Variants in DHX29 observed in about 807,000 individuals in gnomAD.
The protein encoded by DHX29 is ATP-dependent RNA helicase DHX29.
In DHX29, 79 loss-of-function variants were observed where a neutral mutation model predicts 167.9. That is an observed-to-expected ratio of 0.47 (90% CI 0.39 to 0.57). The LOEUF (loss-of-function observed/expected upper bound fraction) is 0.57. Ranked by LOEUF, DHX29 falls within the 20% of genes least tolerant of loss-of-function variation. The pLI, the probability that DHX29 is intolerant of heterozygous loss-of-function variation, is 0.00. For missense variants in DHX29, 1,347 were observed against 1,593.4 expected, an observed-to-expected ratio of 0.85 and a Z score of 2.63; for synonymous variants, 530 against 546.0, an observed-to-expected ratio of 0.97 and a Z score of 0.41.
intron 22 of DHX29, 113 bp downstream of exon 22, chr5:55,267,573 A>G: frequency 2.1e-6 from 2 of 965,580 alleles, no homozygotes; most frequent in Non-Finnish European, 2.9e-6. Flanking sequence ...TGAAATAACT[A>G]AAAATAAATT....
chr5:55,260,834 T>G (rs1746279651), intron 25 of DHX29, among the ~76,000 whole-genome samples: 1 of 152,226 alleles, frequency 6.6e-6, no homozygotes, highest in Non-Finnish European at 1.5e-5. Flanking sequence ...AAGCATAGGT[T>G]GGTCTAATTT....
chr5:55,289,461 T>C (rs1254224468), intron 7 of DHX29, 33 bp from the exon 8 acceptor site: 2 of 1,463,838 alleles, frequency 1.4e-6, no homozygotes, highest in South Asian at 1.5e-5. Context: ...TTTAGTTTCA[T>C]GGTTTTAAAA....
intron 12 of DHX29, among the ~76,000 whole-genome samples, chr5:55,281,062 TACACAC>T (rs144186039): frequency 5.6e-5 from 8 of 142,428 alleles, no homozygotes; most frequent in Admixed American, 1.4e-4. Context: ...TATATGTATA[TACACAC>T]ACACACACAC....
chr5:55,307,253 G>A, intron 1 of DHX29, 134 bp downstream of exon 1: 1 of 745,734 alleles, frequency 1.3e-6, no homozygotes, highest in South Asian at 2.0e-5. Flanking sequence ...GCCACCCCAT[G>A]GGGAGGTAGC....
intron 26 of DHX29, among the ~76,000 whole-genome samples, chr5:55,259,411 C>CA (rs888047594): frequency 1.3e-5 from 2 of 151,278 alleles, no homozygotes; most frequent in Non-Finnish European, 3.0e-5. Context: ...TCCAATGTTA[C>CA]AAAAAAAAAT....
At chr5:55,264,806 G>A (rs1356992630) in intron 23 of DHX29, among the ~76,000 whole-genome samples, 1 of 152,166 alleles carries the variant, frequency 6.6e-6, no homozygotes, top group Non-Finnish European at 1.5e-5. Flanking sequence ...CTGCTAGGTA[G>A]AAGGAAACAA....
At position 55,280,474 on chromosome 5, in the gene DHX29, T is replaced by G. The variant is rs374500559; in HGVS notation, c.2109+898A>C. The stretch of plus-strand genomic sequence containing the variant: ...AAGAATGGTAATAAGAAAAAAAAAT[T>G]AGCATTTTGGTTCATGTTGACCCTT... On this transcript the variant is annotated intron_variant, in intron 12 of 26. Transcript: ENST00000251636. Among the ~76,000 whole-genome samples the G allele has an allele frequency of 1.7e-4, 26 of 152,246 alleles. No individual in the cohort carries two copies. In the East Asian group the frequency reaches 2.1e-3, roughly 12 times the overall value.
At position 55,283,621 on chromosome 5, in the gene DHX29, T is replaced by A; in HGVS notation, c.1547A>T (p.Asn516Ile). 1.9e-6 allele frequency: 3 copies of A among 1,613,958 alleles called. No individual in the cohort carries two copies. The highest frequency in any genetic ancestry group is 1.6e-4 in the Middle Eastern group (1 of 6,062). ...CCAAGATTCCTCGGGATCTTCAGAG[T>A]TTTCTCTCTTATTTTCAGAATGCTG... Reference protein sequence around the residue: ...QQQHSENKRENSEDPEESWEN... With the variant: ...QQQHSENKREISEDPEESWEN... Residue 516 changes from asparagine to isoleucine, a missense_variant, in exon 11 of 27, where the codon AAC (asparagine) becomes ATC (isoleucine). Around this residue, in one of 3 missense-constraint regions of DHX29, gnomAD observed 882 missense variants for 1,082.4 expected, o/e 0.81. Transcript: ENST00000251636.
At chr5:55,286,253 CAA>C (rs562645545) in intron 8 of DHX29, among the ~76,000 whole-genome samples, 13 of 84,878 alleles carry the variant, frequency 1.5e-4, no homozygotes, top group Admixed American at 1.3e-4. Flanking sequence ...CACTCCGTCT[CAA>C]AAAAAAAAAA....
rs1387854985 is a variant in DHX29, at chr5:55,265,776, TA to T, written c.3525+1361del. ...AGTATTTTTAGGTGTGATAATGTTT[TA>T]AAAAAATCTGATACCTTGGATATGC... On this transcript the variant is annotated intron_variant, in intron 23 of 26. Coordinates refer to ENST00000251636, the MANE Select transcript of DHX29 (RefSeq NM_019030.4). Among the ~76,000 whole-genome samples the T allele has an allele frequency of 2.0e-5, 3 of 152,218 alleles. No individual in the cohort carries two copies. In the East Asian group the frequency reaches 5.8e-4, roughly 29 times the overall value.
At position 55,307,601 on chromosome 5, in the gene DHX29, C is replaced by T. The variant is rs2112004247; in HGVS notation, c.-28G>A. 6.2e-7 allele frequency: 1 copy of T among 1,610,974 alleles called. No individual in the cohort carries two copies. Among genetic ancestry groups the T allele is most frequent in the African/African-American group, 1.3e-5 (1 of 74,982 alleles). ...TGCAGCTGTGGCAGAAGATCCTTCG[C>T]GGCCCAGGCCCCGACGGTACCACTG... On this transcript the variant is annotated 5_prime_UTR_variant, in exon 1 of 27. Transcript: ENST00000251636.
intron 26 of DHX29, among the ~76,000 whole-genome samples, chr5:55,258,975 TAC>T (rs535881156): frequency 6.6e-6 from 1 of 151,950 alleles, no homozygotes; most frequent in Admixed American, 6.6e-5. Flanking sequence ...TCCCTAATCA[TAC>T]ACACACACAC....
At chr5:55,278,256 A>G (rs774980578) in intron 12 of DHX29, among the ~76,000 whole-genome samples, 3 of 152,236 alleles carry the variant, frequency 2.0e-5, no homozygotes, top group Non-Finnish European at 4.4e-5. Context: ...AAGGTAGCAC[A>G]AAAGGATAAA....
chr5:55,267,012 A>G, intron 23 of DHX29, 126 bp downstream of exon 23: 1 of 592,390 alleles, frequency 1.7e-6, no homozygotes, highest in Non-Finnish European at 3.0e-6. Flanking sequence ...TCACAAATGT[A>G]CTAATTCAAC....
At chr5:55,294,335 A>G (rs1748197666) in intron 5 of DHX29, among the ~76,000 whole-genome samples, 190 bp from the exon 6 acceptor site, 1 of 152,226 alleles carries the variant, frequency 6.6e-6, no homozygotes, top group African/African-American at 2.4e-5. Flanking sequence ...AATCCAAAGA[A>G]TATGTTTACA....
chr5:55,273,814 C>T (rs1971225), intron 16 of DHX29, among the ~76,000 whole-genome samples: 27,177 of 151,958 alleles, frequency 0.18, 2,560 homozygotes, highest in Admixed American at 0.19. Context: ...TGGCCAAGTG[C>T]GGTGGCTCAG....
chr5:55,269,531 C>A lies in DHX29; in HGVS notation c.3176G>T (p.Cys1059Phe). 1 of 1,614,142 alleles carries A rather than the reference C, an allele frequency of 6.2e-7. No homozygotes were observed. Among genetic ancestry groups the A allele is most frequent in the East Asian group, 2.2e-5 (1 of 44,874 alleles). Reference sequence around the variant, plus strand: ...AGTCAGTTTAGGCTCATTTAATTCACAAGCTCCAATTTTTCGGAGCAAATT... The same window carrying A: ...AGTCAGTTTAGGCTCATTTAATTCAAAAGCTCCAATTTTTCGGAGCAAATT... ...AMNLLRKIGA[C>F]ELNEPKLTPL... Residue 1059 changes from cysteine to phenylalanine, a missense_variant, in exon 21 of 27, where the codon TGT (cysteine) becomes TTT (phenylalanine). This residue lies in a region of DHX29 where 882 missense variants were observed against 1,082.4 expected (regional missense o/e 0.81). Coordinates refer to ENST00000251636, the MANE Select transcript of DHX29 (RefSeq NM_019030.4).
At chr5:55,285,180 T>C (rs902152404) in intron 10 of DHX29, 113 bp downstream of exon 10, 25 of 1,454,600 alleles carry the variant, frequency 1.7e-5, no homozygotes, top group Non-Finnish European at 2.2e-5. Flanking sequence ...GGAAGCCAAA[T>C]TAGGAATAAT....
chr5:55,281,307 G>T, intron 12 of DHX29, 65 bp downstream of exon 12: 1 of 1,336,794 alleles, frequency 7.5e-7, no homozygotes, highest in Non-Finnish European at 9.8e-7. Flanking sequence ...TCTAGTATTA[G>T]GAGTAACATC....
Sources: allele counts gnomAD v4.1 joint callset (sites outside exome capture counted in the v4.1 genomes callset), GRCh38; gene constraint gnomAD v4.1.1; regional missense constraint gnomAD v4.1.1; transcripts MANE v1.5; gene names NCBI Gene and HGNC (gene_info 2026-07-23, HGNC 2026-07-21).